The following SPIDR variants were observed in gnomAD, a reference collection of about 807,000 sequenced individuals.
SPIDR encodes scaffold protein involved in DNA repair.
SPIDR carries 93 observed loss-of-function variants against 104.6 expected under a neutral mutation model. The observed-to-expected ratio is 0.89, with a 90% CI of 0.75 to 1.06. SPIDR has a LOEUF of 1.06. SPIDR is among the 50% of genes least tolerant of loss of function. The pLI is 0.00. For missense variants in SPIDR, 1,154 were observed against 1,111.2 expected (o/e 1.04, Z -0.55); for synonymous variants, 431 against 416.9 (o/e 1.03, Z -0.41).
At chr8:47,504,269 C>T (rs769879229) in intron 8 of SPIDR, among the ~76,000 whole-genome samples, 1 of 152,210 alleles carries the variant, frequency 6.6e-6, no homozygotes, top group African/African-American at 2.4e-5. Flanking sequence ...CTTTGAGGTA[C>T]ACCAGTCAGA....
intron 8 of SPIDR, among the ~76,000 whole-genome samples, chr8:47,490,993 A>G (rs2078610151): frequency 6.6e-6 from 1 of 152,346 alleles, no homozygotes; most frequent in African/African-American, 2.4e-5. Context: ...TTAAAGTATA[A>G]TAATAAAATA....
intron 8 of SPIDR, among the ~76,000 whole-genome samples, chr8:47,518,203 C>T (rs947679485): frequency 6.6e-5 from 10 of 152,214 alleles, no homozygotes; most frequent in Non-Finnish European, 1.3e-4. Flanking sequence ...GTTAGTTCCA[C>T]TTTCACCTCA....
rs1461389228 is a variant in SPIDR, at chr8:47,735,763, A to T, written c.*313A>T. ...TATGAGAAAAAAATTTTTTTTGTTC[A>T]TTTGTAATTTTAACAAGTTGAACAT... On this transcript the variant is annotated 3_prime_UTR_variant, in exon 20 of 20. Transcript: ENST00000297423. The T allele has an allele frequency of 1.9e-6, 1 of 533,334 alleles. No individual in the cohort carries two copies. Among genetic ancestry groups the T allele is most frequent in the South Asian group, 2.3e-5 (1 of 42,724 alleles). The allele number at this position is 533,334 out of a possible 1,614,324, so 33.0% of individuals were successfully genotyped here. A position where few individuals can be genotyped will look rare whatever the true frequency, so the allele number is the denominator to read the frequency against.
intron 6 of SPIDR, among the ~76,000 whole-genome samples, chr8:47,406,724 A>AT (rs1263336121): frequency 6.6e-6 from 1 of 152,204 alleles, no homozygotes; most frequent in Non-Finnish European, 1.5e-5. Context: ...AATCATGGGC[A>AT]TTTTTTGAAG....
At chr8:47,367,265 A>T (rs1363623887) in intron 5 of SPIDR, among the ~76,000 whole-genome samples, 2 of 152,204 alleles carry the variant, frequency 1.3e-5, no homozygotes, top group African/African-American at 4.8e-5. Context: ...TTGATAGCCA[A>T]CAAGGAAACA....
intron 10 of SPIDR, among the ~76,000 whole-genome samples, chr8:47,611,208 G>C (rs953496863): frequency 7.2e-5 from 11 of 152,182 alleles, no homozygotes; most frequent in African/African-American, 4.8e-5. Flanking sequence ...CAGTGAGCTA[G>C]AAATTGCCAG....
Position 47,568,809 on chromosome 8 carries a change from A to G in SPIDR, c.1098-27002A>G, listed in dbSNP as rs550402775. Reference sequence around the variant, plus strand: ...ATGTACTCCAAGCAAGATAAACACTATGAGATTAATGCCAAGATATATTAG... The same window carrying G: ...ATGTACTCCAAGCAAGATAAACACTGTGAGATTAATGCCAAGATATATTAG... On this transcript the variant is annotated intron_variant, in intron 8 of 19. Transcript: ENST00000297423. 3.9e-5 allele frequency among the ~76,000 whole-genome samples: 6 copies of G among 152,382 alleles called. No individual in the cohort carries two copies. The South Asian group carries it at 8.3e-4, about 21-fold the overall frequency.
chr8:47,261,179 T>C (rs2032111949), intron 1 of SPIDR, among the ~76,000 whole-genome samples, 188 bp downstream of exon 1: 1 of 152,058 alleles, frequency 6.6e-6, no homozygotes, highest in Non-Finnish European at 1.5e-5. Flanking sequence ...CGCCCCCAGG[T>C]CCGGCTCCGG....
chr8:47,586,540 A>G (rs2060270879), intron 8 of SPIDR, among the ~76,000 whole-genome samples: 1 of 152,124 alleles, frequency 6.6e-6, no homozygotes, highest in Non-Finnish European at 1.5e-5. Context: ...TTTTCAATGA[A>G]ATGTCTGTTC....
rs561755299 is a variant in SPIDR, at chr8:47,617,326, G to A, written c.1544+18130G>A. Among the ~76,000 whole-genome samples, 20 of 152,298 alleles carry A rather than the reference G, an allele frequency of 1.3e-4. No individual in the cohort carries two copies. The South Asian group carries it at 3.5e-3, about 27-fold the overall frequency. On this transcript the variant is annotated intron_variant, in intron 10 of 19. Coordinates refer to ENST00000297423, the MANE Select transcript of SPIDR (RefSeq NM_001080394.4). ...GTACCTAAGATAGTCTGAAGCAAGA[G>A]CATTTGTGACATAGACAACAACATC...
intron 8 of SPIDR, among the ~76,000 whole-genome samples, chr8:47,502,391 T>G (rs1037621713): frequency 6.6e-6 from 1 of 152,224 alleles, no homozygotes; most frequent in African/African-American, 2.4e-5. Flanking sequence ...GTGCAGGAAT[T>G]TATCCATTTC....
rs1473960157 is a variant in SPIDR, at chr8:47,350,705, G to GC, written c.526-45668dup. ...CATCTTTTCCTAGCTGTTGACCACA[G>GC]CCCTCATCATACTATGGTCAAGAAT... On this transcript the variant is annotated intron_variant, in intron 5 of 19. Transcript: ENST00000297423. 8.5e-5 allele frequency among the ~76,000 whole-genome samples: 13 copies of GC among 152,300 alleles called. No individual in the cohort carries two copies. The East Asian group carries it at 1.5e-3, about 18-fold the overall frequency.
intron 5 of SPIDR, among the ~76,000 whole-genome samples, chr8:47,310,923 A>G (rs1554584663): frequency 6.6e-6 from 1 of 152,244 alleles, no homozygotes; most frequent in Non-Finnish European, 1.5e-5. Flanking sequence ...TCCAGAATAC[A>G]ATCCATATTC....
chr8:47,432,664 C>T (rs1456495584), intron 7 of SPIDR, among the ~76,000 whole-genome samples: 1 of 152,086 alleles, frequency 6.6e-6, no homozygotes, highest in African/African-American at 2.4e-5. Flanking sequence ...AGAAACTCAC[C>T]AGGGAGACAG....
chr8:47,693,196 G>A (rs1010019323), intron 11 of SPIDR, among the ~76,000 whole-genome samples: 3 of 152,150 alleles, frequency 2.0e-5, no homozygotes, highest in Admixed American at 6.5e-5. Flanking sequence ...TTGTTTTTTT[G>A]TGTGTATAAG....
At chr8:47,427,284 A>G (rs553086936) in intron 7 of SPIDR, among the ~76,000 whole-genome samples, 1 of 149,974 alleles carries the variant, frequency 6.7e-6, no homozygotes. Context: ...AAGGATTACC[A>G]TTGGAAAAGG....
chr8:47,422,391 C>T (rs923542033), intron 7 of SPIDR, among the ~76,000 whole-genome samples: 3 of 152,208 alleles, frequency 2.0e-5, no homozygotes, highest in East Asian at 1.9e-4. Context: ...GCTCTGTGGG[C>T]GTAGGACCCT....
At chr8:47,305,078 TTG>T (rs2042892859) in intron 5 of SPIDR, among the ~76,000 whole-genome samples, 1 of 152,244 alleles carries the variant, frequency 6.6e-6, no homozygotes, top group African/African-American at 2.4e-5. Context: ...CTTCTTTTCT[TTG>T]TAAGTTACCT....
chr8:47,350,688 C>G (rs1412280223), intron 5 of SPIDR, among the ~76,000 whole-genome samples: 2 of 152,196 alleles, frequency 1.3e-5, no homozygotes, highest in African/African-American at 4.8e-5. Context: ...AACATCTTTT[C>G]CTAGCTGTTG....
Sources: gnomAD v4.1 joint callset for allele counts (sites outside exome capture counted in the v4.1 genomes callset) on GRCh38, gnomAD v4.1.1 for gene constraint, MANE v1.5 for transcripts, NCBI Gene and HGNC (gene_info 2026-07-23, HGNC 2026-07-21) for gene names.